The following ANK2 variants were observed in gnomAD, a reference collection of about 807,000 sequenced individuals.
The protein encoded by ANK2 is ankyrin 2.
Under a neutral mutation model 360.5 loss-of-function variants are expected in ANK2, and 83 were observed. The ratio of observed to expected loss-of-function variants is 0.23; its 90% CI spans 0.19 to 0.28. ANK2 has a LOEUF of 0.28. Among genes scored for constraint, ANK2 ranks in the 10% least tolerant of loss-of-function variants. The probability of loss-of-function intolerance (pLI) is 1.00; values close to 1 mark genes in which losing one functional copy is unlikely to be tolerated. For missense variants in ANK2, 4,201 were observed against 4,795.7 expected, an observed-to-expected ratio of 0.88 and a Z score of 3.66; for synonymous variants, 1,740 against 1,759.5, an observed-to-expected ratio of 0.99 and a Z score of 0.28.
At chr4:112,814,487 C>T (rs898411491), upstream of ANK2, among the ~76,000 whole-genome samples, 1 of 151,982 alleles carries the variant, frequency 6.6e-6, no homozygotes, top group East Asian at 1.9e-4. Context: ...TACTCTGTTA[C>T]CCAGTCTGGA....
At chr4:113,253,319 C>A (rs2047485967) in intron 10 of ANK2, among the ~76,000 whole-genome samples, 1 of 152,164 alleles carries the variant, frequency 6.6e-6, no homozygotes, top group African/African-American at 2.4e-5. Context: ...AGAGCTCAGT[C>A]TTTGTATCTT....
rs2095692511 is a variant in ANK2, at chr4:113,355,445, A to G, written c.6827A>G (p.Glu2276Gly). ...KTETTTEIRS[E>G]KEHPTTKDIT... is the part of the protein sequence containing the mutation. Reference sequence around the variant, plus strand: ...GAAACCACCACAGAAATTCGTTCAGAAAAAGAGCATCCCACGACCAAAGAC... The same window carrying G: ...GAAACCACCACAGAAATTCGTTCAGGAAAAGAGCATCCCACGACCAAAGAC... The change falls in exon 38 of 46, where the codon GAA becomes GGA. Residue 2276 changes from glutamate (E) to glycine (G), a missense_variant. This residue lies in a region of ANK2 where 2,642 missense variants were observed against 2,714.5 expected (regional missense o/e 0.97). Transcript: ENST00000357077. 1.2e-6 allele frequency: 2 copies of G among 1,613,838 alleles called. No homozygotes were observed. Among genetic ancestry groups the G allele is most frequent in the East Asian group, 2.2e-5 (1 of 44,876 alleles).
intron 1 of ANK2, among the ~76,000 whole-genome samples, chr4:112,838,587 G>A (rs2061460967): frequency 6.6e-6 from 1 of 152,202 alleles, no homozygotes; most frequent in African/African-American, 2.4e-5. Context: ...TATCCTAATA[G>A]GCTGGGCGCA....
At chr4:113,079,571 A>G (rs1279307038) in intron 1 of ANK2, among the ~76,000 whole-genome samples, 1 of 152,224 alleles carries the variant, frequency 6.6e-6, no homozygotes, top group Non-Finnish European at 1.5e-5. Flanking sequence ...TGCTCGTCAC[A>G]CTATGTGGCA....
At chr4:113,206,389 C>T (rs2098948540) in intron 4 of ANK2, among the ~76,000 whole-genome samples, 1 of 152,168 alleles carries the variant, frequency 6.6e-6, no homozygotes, top group Non-Finnish European at 1.5e-5. Context: ...TAGCTTCCAG[C>T]TCCGTCCATG....
intron 1 of ANK2, chr4:113,145,591 G>C: frequency 2.8e-6 from 3 of 1,056,942 alleles, no homozygotes; most frequent in Non-Finnish European, 3.5e-6. Context: ...CCATTGACAT[G>C]CATAGCTGGC....
Position 113,355,143 on chromosome 4 carries a change from C to T in ANK2, c.6525C>T (p.Asn2175=), listed in dbSNP as rs758521167. 2 of 1,614,146 alleles carry T rather than the reference C, an allele frequency of 1.2e-6. No individual in the cohort carries two copies. The highest frequency in any genetic ancestry group is 1.7e-6 in the Non-Finnish European group (2 of 1,180,000). ...HLDQVLTSPF[N]TTFPLDYMKD... ...ACCAAGTACTCACTAGTCCTTTCAA[C>T]ACAACATTTCCACTCGACTACATGA... is the stretch of plus-strand genomic sequence containing the variant. Residue 2175 remains asparagine, a synonymous_variant, in exon 38 of 46, where the codon AAC becomes AAT. Coordinates refer to ENST00000357077, the MANE Select transcript of ANK2 (RefSeq NM_001148.6).
intron 1 of ANK2, among the ~76,000 whole-genome samples, chr4:113,140,366 G>T (rs1253362610): frequency 6.6e-6 from 1 of 152,238 alleles, no homozygotes; most frequent in African/African-American, 2.4e-5. Context: ...CAAGGAGAAG[G>T]GCAGACAGTA....
At chr4:112,881,848 G>T in intron 1 of ANK2, 1 of 900,106 alleles carries the variant, frequency 1.1e-6, no homozygotes, top group Non-Finnish European at 1.8e-6. Flanking sequence ...ACAGTTAAGT[G>T]GGCACCGGGT....
At chr4:113,145,630 G>C in intron 1 of ANK2, 1 of 1,102,494 alleles carries the variant, frequency 9.1e-7, no homozygotes, top group South Asian at 2.5e-5. Flanking sequence ...GACTGGCAGC[G>C]CCTGCACTGG....
chr4:113,274,552 A>G lies in ANK2; in HGVS notation c.1586A>G (p.Asn529Ser), dbSNP rs751799861. Residue 529 changes from asparagine (N) to serine (S), a missense_variant, in exon 15 of 46, where the codon AAT (asparagine) becomes AGT (serine). Physicochemically the swap from Asn to Ser is conservative, Grantham distance 46. Around this residue, in one of 4 missense-constraint regions of ANK2, gnomAD observed 1,268 missense variants for 1,650.8 expected, o/e 0.77. Coordinates refer to ENST00000357077, the MANE Select transcript of ANK2 (RefSeq NM_001148.6). ...GCTCATCCAGATGCGGCCACTACAAATGGGTACACACCACTGCACATCTCT... is the reference window on the plus strand; with the variant it reads ...GCTCATCCAGATGCGGCCACTACAAGTGGGTACACACCACTGCACATCTCT... Reference protein sequence around the residue: ...HMAHPDAATTNGYTPLHISAR... With the variant: ...HMAHPDAATTSGYTPLHISAR... 1.9e-6 allele frequency: 3 copies of G among 1,614,172 alleles called. No homozygotes were observed. Among genetic ancestry groups the G allele is most frequent in the Non-Finnish European group, 2.5e-6 (3 of 1,180,038 alleles).
the ANK2 span, among the ~76,000 whole-genome samples, chr4:112,741,196 T>C: frequency 6.6e-6 from 1 of 152,180 alleles, no homozygotes; most frequent in Admixed American, 6.5e-5. Flanking sequence ...AAAAACTGTT[T>C]ATCATGTGCT....
intron 1 of ANK2, chr4:113,151,091 C>A (rs763485637): frequency 7.8e-7 from 1 of 1,288,732 alleles, no homozygotes; most frequent in South Asian, 1.2e-5. Context: ...TGACATGCCC[C>A]CAGATGAAAC....
At chr4:113,331,855 G>C (rs558067611) in intron 27 of ANK2, 117 bp from the exon 28 acceptor site, 1 of 936,074 alleles carries the variant, frequency 1.1e-6, no homozygotes, top group African/African-American at 1.6e-5. Flanking sequence ...AGAACCAAAC[G>C]CAGTGTGAAA....
chr4:112,923,067 G>T (rs942467076), intron 2 of ANK2, among the ~76,000 whole-genome samples: 1 of 152,038 alleles, frequency 6.6e-6, no homozygotes, highest in Non-Finnish European at 1.5e-5. Context: ...AAATAGAGGT[G>T]CAGTTTCATC....
chr4:113,249,355 A>G (rs1007502978), intron 9 of ANK2, among the ~76,000 whole-genome samples: 3 of 152,244 alleles, frequency 2.0e-5, no homozygotes, highest in African/African-American at 7.2e-5. Context: ...AACAATATGA[A>G]GACAGTATAA....
chr4:112,950,873 G>A (rs2154252702), intron 2 of ANK2, among the ~76,000 whole-genome samples: 1 of 151,080 alleles, frequency 6.6e-6, no homozygotes, highest in East Asian at 2.0e-4. Context: ...ACGAGGTCAG[G>A]AGATCGAGAC....
At chr4:113,111,380 A>G (rs2094285065) in intron 1 of ANK2, among the ~76,000 whole-genome samples, 1 of 152,216 alleles carries the variant, frequency 6.6e-6, no homozygotes, top group Admixed American at 6.5e-5. Flanking sequence ...AAATATAATT[A>G]CTAAAGAAAA....
chr4:112,851,847 C>T (rs1011616086), intron 1 of ANK2, among the ~76,000 whole-genome samples: 3 of 152,182 alleles, frequency 2.0e-5, no homozygotes, highest in African/African-American at 7.2e-5. Context: ...TGATCTCGAA[C>T]TGCTGACCTC....
Sources: gnomAD v4.1 joint callset for allele counts (sites outside exome capture counted in the v4.1 genomes callset) on GRCh38, gnomAD v4.1.1 for gene constraint, gnomAD v4.1.1 regional missense constraint, MANE v1.5 for transcripts, NCBI Gene and HGNC (gene_info 2026-07-23, HGNC 2026-07-21) for gene names.